The following DOCK1 variants were observed in gnomAD, a reference collection of about 807,000 sequenced individuals.
DOCK1 encodes the protein dedicator of cytokinesis 1.
Under a neutral mutation model 262.7 loss-of-function variants are expected in DOCK1, and 138 were observed. The observed-to-expected ratio is 0.53, with a 90% CI of 0.46 to 0.61. DOCK1 has a LOEUF of 0.61. Ranked by LOEUF, DOCK1 falls within the 20% of genes least tolerant of loss-of-function variation. DOCK1 has a pLI of 0.00. For synonymous variants in DOCK1, 866 were observed against 867.4 expected (o/e 1.00, Z 0.03); for missense variants, 1,908 against 2,370.7 (o/e 0.80, Z 4.05).
At chr10:126,934,751 T>TTG (rs1229833506) in intron 1 of DOCK1, among the ~76,000 whole-genome samples, 1 of 102,904 alleles carries the variant, frequency 9.7e-6, no homozygotes, top group African/African-American at 2.8e-5. Context: ...TTACGAGTTT[T>TTG]TTTTTTTTTT....
intron 25 of DOCK1, among the ~76,000 whole-genome samples, chr10:127,117,960 C>T (rs1033793960): frequency 2.0e-5 from 3 of 152,154 alleles, no homozygotes; most frequent in African/African-American, 7.2e-5. Flanking sequence ...GCATAAACTC[C>T]TCCCTGGGTG....
intron 10 of DOCK1, among the ~76,000 whole-genome samples, chr10:127,005,393 G>A (rs991155695): frequency 5.3e-5 from 8 of 151,994 alleles, no homozygotes; most frequent in African/African-American, 1.7e-4. Context: ...CAACATTTTG[G>A]TAATCGTATT....
chr10:127,129,770 G>C (rs1438876869), intron 27 of DOCK1, among the ~76,000 whole-genome samples: 1 of 152,186 alleles, frequency 6.6e-6, no homozygotes, highest in African/African-American at 2.4e-5. Flanking sequence ...CTCTTGGGAT[G>C]GGCGGACTTA....
intron 51 of DOCK1, among the ~76,000 whole-genome samples, chr10:127,448,058 G>A (rs911091062): frequency 2.6e-5 from 4 of 152,148 alleles, no homozygotes; most frequent in African/African-American, 9.6e-5. Context: ...GTGGTGACAG[G>A]CACTCACCTT....
chr10:126,905,845 G>T (rs2133971127), intron 1 of DOCK1, among the ~76,000 whole-genome samples: 1 of 151,986 alleles, frequency 6.6e-6, no homozygotes, highest in South Asian at 2.1e-4. Context: ...CCCCTCCGAC[G>T]CCCGCTCCTC....
chr10:127,093,636 G>A (rs1366035184), intron 23 of DOCK1, among the ~76,000 whole-genome samples: 1 of 151,792 alleles, frequency 6.6e-6, no homozygotes, highest in Non-Finnish European at 1.5e-5. Flanking sequence ...TTACAGGTGT[G>A]AGCCATCGCA....
chr10:127,054,833 A>G (rs1167135805), intron 22 of DOCK1, among the ~76,000 whole-genome samples: 2 of 152,230 alleles, frequency 1.3e-5, no homozygotes, highest in Non-Finnish European at 2.9e-5. Flanking sequence ...CTCACCCGAT[A>G]ACACTGGACT....
At chr10:126,961,487 T>TA in intron 1 of DOCK1, among the ~76,000 whole-genome samples, 1 of 136,402 alleles carries the variant, frequency 7.3e-6, no homozygotes, top group South Asian at 2.4e-4. Context: ...ACTCACTCCT[T>TA]CGTCCTCCCA....
chr10:127,081,433 G>A (rs1305296719), intron 23 of DOCK1, among the ~76,000 whole-genome samples: 1 of 151,074 alleles, frequency 6.6e-6, no homozygotes, highest in Admixed American at 6.6e-5. Flanking sequence ...CCTTTCATAC[G>A]TTTAATGCTT....
intron 1 of DOCK1, among the ~76,000 whole-genome samples, chr10:126,962,523 C>G (rs1396304544): frequency 6.6e-6 from 1 of 152,124 alleles, no homozygotes; most frequent in Non-Finnish European, 1.5e-5. Context: ...TCTCTAACTC[C>G]TGACCTCAAG....
At chr10:127,331,565 A>T (rs1194668312) in intron 29 of DOCK1, among the ~76,000 whole-genome samples, 1 of 152,128 alleles carries the variant, frequency 6.6e-6, no homozygotes, top group African/African-American at 2.4e-5. Context: ...TACAGGCGTG[A>T]GCCACGGCGC....
At chr10:127,314,005 G>A (rs1163924257) in intron 29 of DOCK1, among the ~76,000 whole-genome samples, 1 of 152,138 alleles carries the variant, frequency 6.6e-6, no homozygotes, top group Non-Finnish European at 1.5e-5. Flanking sequence ...GGTTTTTGGA[G>A]TGTTGCACCC....
intron 32 of DOCK1, among the ~76,000 whole-genome samples, chr10:127,359,944 A>G (rs2064331400): frequency 6.6e-6 from 1 of 152,204 alleles, no homozygotes; most frequent in Non-Finnish European, 1.5e-5. Flanking sequence ...TTATTCAAAC[A>G]TTTAATTTCT....
chr10:127,156,335 C>T (rs1457514713), intron 27 of DOCK1, among the ~76,000 whole-genome samples: 1 of 152,076 alleles, frequency 6.6e-6, no homozygotes, highest in African/African-American at 2.4e-5. Flanking sequence ...CTCCCTGTCA[C>T]CTTGCTTGTA....
intron 49 of DOCK1, among the ~76,000 whole-genome samples, chr10:127,443,690 A>G (rs1485703914): frequency 2.6e-5 from 4 of 152,212 alleles, no homozygotes; most frequent in Non-Finnish European, 4.4e-5. Context: ...GTGTGTGTGT[A>G]TCTCTTAGGC....
At chr10:126,947,104 T>C (rs1162011651) in intron 1 of DOCK1, among the ~76,000 whole-genome samples, 1 of 152,242 alleles carries the variant, frequency 6.6e-6, no homozygotes, top group African/African-American at 2.4e-5. Flanking sequence ...AGTCTTTGCG[T>C]GCAGAAATGG....
intron 3 of DOCK1, among the ~76,000 whole-genome samples, chr10:126,980,574 T>C (rs113104625): frequency 1.1e-4 from 16 of 152,164 alleles, no homozygotes; most frequent in African/African-American, 3.1e-4. Flanking sequence ...CTTCTTTATA[T>C]GGAATTTGGC....
chr10:127,331,302 GAC>G (rs1366059660), intron 29 of DOCK1, among the ~76,000 whole-genome samples: 1 of 152,054 alleles, frequency 6.6e-6, no homozygotes, highest in Non-Finnish European at 1.5e-5. Flanking sequence ...GTTGTTTTTA[GAC>G]AGAGTCTTGC....
intron 44 of DOCK1, among the ~76,000 whole-genome samples, chr10:127,416,457 G>T (rs2068157689): frequency 6.6e-6 from 1 of 152,210 alleles, no homozygotes; most frequent in African/African-American, 2.4e-5. Flanking sequence ...CCAGCCAACA[G>T]CTGCCGGATG....
Sources: gnomAD v4.1 joint callset for allele counts (sites outside exome capture counted in the v4.1 genomes callset) on GRCh38, gnomAD v4.1.1 for gene constraint, MANE v1.5 for transcripts, NCBI Gene and HGNC (gene_info 2026-07-23, HGNC 2026-07-21) for gene names.